DSCAM: variants seen among roughly 807,000 people sequenced by gnomAD.
The protein encoded by DSCAM is cell adhesion molecule DSCAM.
DSCAM carries 47 observed loss-of-function variants against 217.7 expected under a neutral mutation model. The ratio of observed to expected loss-of-function variants is 0.22; its 90% CI spans 0.17 to 0.28. The LOEUF (loss-of-function observed/expected upper bound fraction) is 0.28, where lower values mean the gene tolerates loss of function less well. DSCAM is among the 10% of genes least tolerant of loss of function. DSCAM has a pLI of 1.00. For missense variants in DSCAM, 2,080 were observed against 2,618.3 expected, an observed-to-expected ratio of 0.79 and a Z score of 4.49; for synonymous variants, 1,056 against 1,015.3, an observed-to-expected ratio of 1.04 and a Z score of -0.76.
At chr21:40,393,232 T>C (rs1403541855) in intron 3 of DSCAM, among the ~76,000 whole-genome samples, 1 of 152,186 alleles carries the variant, frequency 6.6e-6, no homozygotes, top group African/African-American at 2.4e-5. Flanking sequence ...ACCCAAAGGC[T>C]CTGGCACCTT....
chr21:40,811,654 A>G (rs2091840181), intron 1 of DSCAM, among the ~76,000 whole-genome samples: 2 of 152,186 alleles, frequency 1.3e-5, no homozygotes, highest in Non-Finnish European at 2.9e-5. Flanking sequence ...TGATGCAGAC[A>G]GAAAGGAGAA....
intron 1 of DSCAM, among the ~76,000 whole-genome samples, chr21:40,757,925 C>G (rs1362361778): frequency 6.6e-6 from 1 of 152,114 alleles, no homozygotes; most frequent in African/African-American, 2.4e-5. Flanking sequence ...ACCCAGTACC[C>G]GTGGATGTGA....
At chr21:40,210,764 C>T (rs543942049) in intron 11 of DSCAM, among the ~76,000 whole-genome samples, 129 of 152,262 alleles carry the variant, frequency 8.5e-4, no homozygotes, top group African/African-American at 7.2e-5. Flanking sequence ...AGGCTGGTCT[C>T]GAACTCCTGA....
intron 3 of DSCAM, among the ~76,000 whole-genome samples, chr21:40,674,919 G>A (rs907886038): frequency 3.3e-5 from 5 of 151,892 alleles, no homozygotes; most frequent in South Asian, 2.1e-4. Context: ...CACCGCGCCC[G>A]GCCCATAAAG....
In DSCAM at chr21:40,846,779, C is replaced by CCCG. The variant is rs41386156; in HGVS notation, c.-121_-119dup. 1,500 of 307,952 alleles carry CCCG rather than the reference C, an allele frequency of 4.9e-3. 8 individuals carry two copies. The highest frequency in any genetic ancestry group is 7.7e-3 in the Admixed American group (115 of 14,902). 19.1% of individuals were successfully genotyped at this position (307,952 alleles called of 1,614,324 possible). On this transcript the variant is annotated 5_prime_UTR_variant, in exon 1 of 33. Transcript: ENST00000400454. ...CCCGGGGGCCGCCGCCCGCCCGCCGCCCGCCGCCGCCGCCGCCGCTGCCTA... is the reference window on the plus strand; with the variant it reads ...CCCGGGGGCCGCCGCCCGCCCGCCGCCCGCCGCCGCCGCCGCCGCCGCTGCCTA...
At chr21:40,248,149 T>A (rs2073252164) in intron 11 of DSCAM, among the ~76,000 whole-genome samples, 1 of 152,132 alleles carries the variant, frequency 6.6e-6, no homozygotes, top group South Asian at 2.1e-4. Context: ...CATTTTTTCC[T>A]CCTATGCCTC....
At chr21:40,113,890 C>T (rs1230005536) in intron 20 of DSCAM, among the ~76,000 whole-genome samples, 1 of 151,948 alleles carries the variant, frequency 6.6e-6, no homozygotes, top group Non-Finnish European at 1.5e-5. Context: ...GAACTACAAA[C>T]CACTGCTCAA....
At chr21:40,175,770 A>AACACACACACACAC (rs1329501944) in intron 15 of DSCAM, among the ~76,000 whole-genome samples, 1,426 of 126,362 alleles carry the variant, frequency 0.011, 25 homozygotes, top group African/African-American at 0.026. Context: ...ATATTTTCTC[A>AACACACACACACAC]ACACACACAT....
Position 40,339,390 on chromosome 21 carries a change from G to A in DSCAM, c.1236C>T (p.Ala412=). 2 of 1,607,502 alleles carry A rather than the reference G, an allele frequency of 1.2e-6. No homozygotes were observed. The highest frequency in any genetic ancestry group is 2.2e-5 in the South Asian group (2 of 90,640). Residue 412 remains alanine, a synonymous_variant, in exon 7 of 33, where the codon GCC becomes GCT. Transcript: ENST00000400454. ...LEDGTPKIIS[A]FSEKVVSPAE... is the part of the protein sequence containing the mutation. The stretch of plus-strand genomic sequence containing the variant: ...CTGGACTCACCACCTTTTCACTAAA[G>A]GCAGAAATAATTTTGGGAGTTCCAT...
chr21:40,530,199 A>T (rs1294911683), intron 3 of DSCAM, among the ~76,000 whole-genome samples: 3 of 152,138 alleles, frequency 2.0e-5, no homozygotes, highest in African/African-American at 7.2e-5. Flanking sequence ...AAGAAACACC[A>T]TTGACTCCTC....
chr21:40,317,543 T>C (rs1293214015), intron 8 of DSCAM, among the ~76,000 whole-genome samples: 1 of 152,226 alleles, frequency 6.6e-6, no homozygotes, highest in Non-Finnish European at 1.5e-5. Flanking sequence ...TCTTTTTCTT[T>C]TTTAAACGGA....
At chr21:40,663,741 G>A (rs1396015028) in intron 3 of DSCAM, among the ~76,000 whole-genome samples, 1 of 152,156 alleles carries the variant, frequency 6.6e-6, no homozygotes, top group African/African-American at 2.4e-5. Flanking sequence ...CTAAACCAGA[G>A]TACTCCAAGA....
chr21:40,609,277 A>G (rs1039885201), intron 3 of DSCAM, among the ~76,000 whole-genome samples: 1 of 151,868 alleles, frequency 6.6e-6, no homozygotes. Flanking sequence ...TTAAATCACG[A>G]TTTTGCCGTT....
intron 9 of DSCAM, among the ~76,000 whole-genome samples, chr21:40,303,392 C>T (rs1221880032): frequency 6.6e-5 from 10 of 152,030 alleles, no homozygotes; most frequent in East Asian, 1.9e-4. Context: ...CTGGGACGTA[C>T]GCCTTCACTT....
intron 3 of DSCAM, among the ~76,000 whole-genome samples, chr21:40,685,638 G>A (rs1012280379): frequency 1.3e-5 from 2 of 152,168 alleles, no homozygotes; most frequent in Non-Finnish European, 2.9e-5. Flanking sequence ...CACCTCATGT[G>A]CCTTTTGCCT....
intron 3 of DSCAM, among the ~76,000 whole-genome samples, chr21:40,490,898 CTT>C (rs1371038962): frequency 6.6e-6 from 1 of 152,174 alleles, no homozygotes; most frequent in Non-Finnish European, 1.5e-5. Flanking sequence ...AATTGCCAAA[CTT>C]TGGCAAAATA....
intron 11 of DSCAM, among the ~76,000 whole-genome samples, chr21:40,240,009 G>C (rs28446429): frequency 0.056 from 8,484 of 152,226 alleles, 310 homozygotes; most frequent in Non-Finnish European, 0.083. Flanking sequence ...TACCATAGCT[G>C]CTCAGACCTT....
intron 8 of DSCAM, among the ~76,000 whole-genome samples, chr21:40,315,127 G>A (rs140384437): frequency 7.2e-5 from 11 of 152,258 alleles, no homozygotes; most frequent in African/African-American, 2.6e-4. Context: ...GGCCGGGTGT[G>A]GTGGCTCACG....
At position 40,087,260 on chromosome 21, in the gene DSCAM, C is replaced by T. The variant is rs750413319; in HGVS notation, c.3878G>A (p.Gly1293Glu). 7 of 1,614,062 alleles carry T rather than the reference C, an allele frequency of 4.3e-6. No homozygotes were observed. Among genetic ancestry groups the T allele is most frequent in the South Asian group, 1.1e-5 (1 of 91,080 alleles). ...KAPARILTFS[G>E]TVTTPWMKDI... Reference sequence around the variant, plus strand: ...TTTCATCCATGGAGTAGTCACTGTCCCACTGAAGGTCAGGATTCGTGCAGG... The same window carrying T: ...TTTCATCCATGGAGTAGTCACTGTCTCACTGAAGGTCAGGATTCGTGCAGG... Residue 1293 changes from glycine to glutamate, a missense_variant, in exon 22 of 33, where the codon GGG becomes GAG. Transcript: ENST00000400454.
Sources: gnomAD v4.1 joint callset for allele counts (sites outside exome capture counted in the v4.1 genomes callset) on GRCh38, gnomAD v4.1.1 for gene constraint, MANE v1.5 for transcripts, NCBI Gene and HGNC (gene_info 2026-07-23, HGNC 2026-07-21) for gene names.